SLC35E1: variants seen among roughly 807,000 people sequenced by gnomAD.
SLC35E1 encodes solute carrier family 35 member E1.
A neutral mutation model predicts 31.0 loss-of-function variants in SLC35E1; 12 were observed. The observed-to-expected ratio is 0.39, with a 90% confidence interval of 0.25 to 0.63. The LOEUF (loss-of-function observed/expected upper bound fraction) is 0.63. Among genes scored for constraint, SLC35E1 ranks in the 20% least tolerant of loss-of-function variants. The pLI is 0.52. For synonymous variants in SLC35E1, 257 were observed against 264.1 expected, an observed-to-expected ratio of 0.97 and a Z score of 0.26; for missense variants, 429 against 572.2, an observed-to-expected ratio of 0.75 and a Z score of 2.55.
chr19:16,567,192 T>A (rs936707194), intron 3 of SLC35E1, among the ~76,000 whole-genome samples: 1 of 152,236 alleles, frequency 6.6e-6, no homozygotes, highest in African/African-American at 2.4e-5. Context: ...GAGCAATTTT[T>A]TTTTTTGAGA....
rs1183950611 is a variant in SLC35E1, at chr19:16,553,053, G to A, written c.*626C>T. Reference sequence around the variant, plus strand: ...CAGGAACTGGATGCTAATTGCAATCGCTTTTTGCTTTGGAACATTTGCCAG... The same window carrying A: ...CAGGAACTGGATGCTAATTGCAATCACTTTTTGCTTTGGAACATTTGCCAG... On this transcript the variant is annotated 3_prime_UTR_variant, in exon 6 of 6. Transcript: ENST00000595753. 2.6e-5 allele frequency: 4 copies of A among 152,238 alleles called. No individual in the cohort carries two copies. Among genetic ancestry groups the A allele is most frequent in the Non-Finnish European group, 5.9e-5 (4 of 68,052 alleles). The allele number at this position is 152,238 out of a possible 1,614,324, so 9.4% of individuals were successfully genotyped here.
chr19:16,561,761 T>G (rs2085907486), intron 4 of SLC35E1, among the ~76,000 whole-genome samples: 1 of 152,232 alleles, frequency 6.6e-6, no homozygotes, highest in Non-Finnish European at 1.5e-5. Flanking sequence ...GCTGTCTGTG[T>G]AGTCTATGTG....
At chr19:16,570,873 GA>G (rs1427916749) in intron 2 of SLC35E1, among the ~76,000 whole-genome samples, 1 of 152,124 alleles carries the variant, frequency 6.6e-6, no homozygotes. Context: ...GAGGCGGACG[GA>G]TCACTTGAGG....
In SLC35E1 at chr19:16,552,444, C is replaced by T. The variant is rs2085850429; in HGVS notation, c.*1235G>A. The stretch of plus-strand genomic sequence containing the variant: ...CTGCCTCCCAGGTTCAAGCAATTCG[C>T]CTGCCTCAGCAGCCTGAGGAGCTGG... On this transcript the variant is annotated 3_prime_UTR_variant, in exon 6 of 6. Transcript: ENST00000595753. 2 of 151,902 alleles carry T rather than the reference C, an allele frequency of 1.3e-5. No homozygotes were observed. The highest frequency in any genetic ancestry group is 6.6e-5 in the Admixed American group (1 of 15,248). 9.4% of individuals were successfully genotyped at this position (151,902 alleles called of 1,614,324 possible).
intron 4 of SLC35E1, among the ~76,000 whole-genome samples, chr19:16,559,708 T>C (rs545921493): frequency 1.3e-5 from 2 of 152,166 alleles, no homozygotes; most frequent in Non-Finnish European, 2.9e-5. Context: ...TCTGTTCACA[T>C]TTGTCTCCAG....
In SLC35E1 at chr19:16,560,613, G is replaced by C. The variant is rs529716565; in HGVS notation, c.757-5216C>G. ...GTGCCGGCTGGCGCCTGTAATCCCG[G>C]CACTTTGGGAGGCTGAGGCAGGGAG... On this transcript the variant is annotated intron_variant, in intron 4 of 5. Transcript: ENST00000595753. 1.8e-3 allele frequency among the ~76,000 whole-genome samples: 267 copies of C among 152,208 alleles called. 2 individuals carry two copies. The highest frequency in any genetic ancestry group is 6.3e-3 in the African/African-American group (261 of 41,512).
chr19:16,572,186 G>A lies in SLC35E1; in HGVS notation c.179C>T (p.Thr60Ile), dbSNP rs1388189629. Residue 60 changes from threonine to isoleucine, a missense_variant, in exon 1 of 6, where the codon ACC becomes ATC. Coordinates refer to ENST00000595753, the MANE Select transcript of SLC35E1 (RefSeq NM_024881.5). This position sits in a 1 kb window ranked among gnomAD's most constrained non-coding sequence, Gnocchi z 4.1. ...VILSAFPFPV[T>I]VSLCHILALC... ...AGCCAGGATGTGGCACAGCGACACGGTCACCGGGAACGGGAAGGCGCTCAG... is the reference window on the plus strand; with the variant it reads ...AGCCAGGATGTGGCACAGCGACACGATCACCGGGAACGGGAAGGCGCTCAG... The A allele has an allele frequency of 2.0e-6, 3 of 1,532,128 alleles. No individual in the cohort carries two copies. The highest frequency in any genetic ancestry group is 2.6e-6 in the Non-Finnish European group (3 of 1,138,746). The allele number at this position is 1,532,128 out of a possible 1,614,324, so 94.9% of individuals were successfully genotyped here. A position where few individuals can be genotyped will look rare whatever the true frequency, so the allele number is the denominator to read the frequency against.
chr19:16,554,997 G>A (rs1568271024), intron 5 of SLC35E1, among the ~76,000 whole-genome samples, 155 bp downstream of exon 5: 1 of 152,072 alleles, frequency 6.6e-6, no homozygotes, highest in Non-Finnish European at 1.5e-5. Context: ...AAGGAAGCCA[G>A]AGTGGGATGG....
At chr19:16,567,905 T>A (rs1178606265) in intron 3 of SLC35E1, 127 bp downstream of exon 3, 2 of 1,301,190 alleles carry the variant, frequency 1.5e-6, no homozygotes, top group East Asian at 5.3e-5. Flanking sequence ...ATCAGCAGAA[T>A]GGCAATCAAG....
intron 2 of SLC35E1, among the ~76,000 whole-genome samples, chr19:16,569,291 G>A (rs2085946443): frequency 6.6e-6 from 1 of 152,130 alleles, no homozygotes; most frequent in Admixed American, 6.5e-5. Flanking sequence ...CCAAAGTGCT[G>A]GGATTACAAG....
chr19:16,564,905 A>G (rs2122342231), intron 4 of SLC35E1: 2 of 313,592 alleles, frequency 6.4e-6, no homozygotes, highest in African/African-American at 2.2e-5. Context: ...GAAAGTTAGA[A>G]AAGTGAGCCA....
In SLC35E1 at chr19:16,552,668, G is replaced by C. The variant is rs1040758274; in HGVS notation, c.*1011C>G. The C allele has an allele frequency of 1.3e-5, 2 of 152,124 alleles. No individual in the cohort carries two copies. The highest frequency in any genetic ancestry group is 1.3e-4 in the Admixed American group (2 of 15,264). 9.4% of individuals were successfully genotyped at this position (152,124 alleles called of 1,614,324 possible). A position where few individuals can be genotyped will look rare whatever the true frequency, so the allele number is the denominator to read the frequency against. On this transcript the variant is annotated 3_prime_UTR_variant, in exon 6 of 6. Transcript: ENST00000595753. ...GTTTTTAAACGTTTACAAACAAAAA[G>C]ATTTTCGATGCATAGGCCAGTCCTA... is the stretch of plus-strand genomic sequence containing the variant.
intron 5 of SLC35E1, 72 bp from the exon 6 acceptor site, chr19:16,553,981 C>G: frequency 7.3e-7 from 1 of 1,370,200 alleles, no homozygotes; most frequent in African/African-American, 1.5e-5. Flanking sequence ...AGTCAATCAA[C>G]TGGCTGGCTG....
intron 4 of SLC35E1, among the ~76,000 whole-genome samples, chr19:16,560,238 C>T (rs1229745777): frequency 6.6e-6 from 1 of 152,072 alleles, no homozygotes; most frequent in African/African-American, 2.4e-5. Flanking sequence ...CTCAGCTCCT[C>T]CCTCCACACA....
chr19:16,569,366 T>C (rs2085946885), intron 2 of SLC35E1, among the ~76,000 whole-genome samples: 1 of 152,142 alleles, frequency 6.6e-6, no homozygotes, highest in African/African-American at 2.4e-5. Flanking sequence ...CCCGTTAGTG[T>C]ACCTTAGAGC....
chr19:16,559,629 A>G (rs2085894726), intron 4 of SLC35E1, among the ~76,000 whole-genome samples: 1 of 152,108 alleles, frequency 6.6e-6, no homozygotes. Flanking sequence ...CTCCAGCCTG[A>G]GCACAGAATG....
intron 3 of SLC35E1, among the ~76,000 whole-genome samples, chr19:16,567,150 C>A (rs1016358448): frequency 6.6e-6 from 1 of 152,132 alleles, no homozygotes; most frequent in Non-Finnish European, 1.5e-5. Flanking sequence ...AACTGTGGTA[C>A]CTGAAAAGTG....
chr19:16,559,667 A>T (rs572114512), intron 4 of SLC35E1, among the ~76,000 whole-genome samples: 2 of 152,250 alleles, frequency 1.3e-5, no homozygotes, highest in South Asian at 4.1e-4. Context: ...AATTTAAAAA[A>T]TTTCCATTTG....
rs2085964059 is a variant in SLC35E1 at position 16,572,277 on chromosome 19, C to A, written c.88G>T (p.Val30Leu). Residue 30 changes from valine to leucine, a missense_variant, in exon 1 of 6, where the codon GTG becomes TTG. Physicochemically the swap from Val to Leu is conservative, Grantham distance 32 (BLOSUM62 1). Coordinates refer to ENST00000595753, the MANE Select transcript of SLC35E1 (RefSeq NM_024881.5). This position sits in a 1 kb window ranked among gnomAD's most constrained non-coding sequence, Gnocchi z 4.1. ...TACCACAGCAGGCACAGCGCCGCCA[C>A]CCGCGCGCCCTCGCGCGCCCCACCA... The part of the protein sequence containing the change: ...SSGGAREGAR[V>L]AALCLLWYAL... The A allele has an allele frequency of 1.3e-6, 2 of 1,496,908 alleles. No individual in the cohort carries two copies. Among genetic ancestry groups the A allele is most frequent in the Non-Finnish European group, 8.9e-7 (1 of 1,121,810 alleles). The allele number at this position is 1,496,908 out of a possible 1,614,324, so 92.7% of individuals were successfully genotyped here.
Sources: allele counts gnomAD v4.1 joint callset (sites outside exome capture counted in the v4.1 genomes callset), GRCh38; gene constraint gnomAD v4.1.1; non-coding constraint Gnocchi (gnomAD v3.1); transcripts MANE v1.5; gene names NCBI Gene and HGNC (gene_info 2026-07-23, HGNC 2026-07-21).